Variants in PRELID2 observed in about 807,000 individuals in gnomAD.
PRELID2 encodes PRELI domain-containing protein 2.
In PRELID2, 25 loss-of-function variants were observed where a neutral mutation model predicts 28.4. The observed-to-expected ratio is 0.88, with a 90% CI of 0.64 to 1.23. The LOEUF is 1.23. Ranked by LOEUF, PRELID2 falls within the 50% of genes most tolerant of loss-of-function variation. The pLI is 0.00. For missense variants in PRELID2, 201 were observed against 214.4 expected (o/e 0.94, Z 0.39); for synonymous variants, 76 against 71.6 (o/e 1.06, Z -0.31).
intron 4 of PRELID2, among the ~76,000 whole-genome samples, chr5:145,797,013 G>A (rs1396952758): frequency 6.6e-6 from 1 of 152,146 alleles, no homozygotes; most frequent in Non-Finnish European, 1.5e-5. Flanking sequence ...ATAGAGACAA[G>A]ATTGGAAAGC....
At chr5:145,375,148 C>A in the PRELID2 span, among the ~76,000 whole-genome samples, 2 of 151,996 alleles carry the variant, frequency 1.3e-5, no homozygotes, top group East Asian at 3.9e-4. Flanking sequence ...GGATGCTGAC[C>A]CTTGAATGCA....
chr5:145,276,791 TTC>T, the PRELID2 span, among the ~76,000 whole-genome samples: 1 of 152,132 alleles, frequency 6.6e-6, no homozygotes, highest in Non-Finnish European at 1.5e-5. Context: ...TGATAGAACT[TTC>T]AAAAAAAGTT....
intron 1 of PRELID2, among the ~76,000 whole-genome samples, chr5:145,600,432 A>ATAT (rs1339137784): frequency 0.011 from 1,394 of 127,466 alleles, 33 homozygotes; most frequent in African/African-American, 0.05. Context: ...AAAAAAAAAA[A>ATAT]AAATATATAT....
intron 1 of PRELID2, among the ~76,000 whole-genome samples, chr5:145,649,982 T>C (rs187854277): frequency 1.8e-3 from 273 of 152,310 alleles, no homozygotes; most frequent in African/African-American, 5.1e-3. Flanking sequence ...ATATTACACA[T>C]GAGAAATGTA....
At position 145,758,993 on chromosome 5, in the gene PRELID2, A is replaced by AT. The variant is rs1757347563; in HGVS notation, c.*1542_*1543insA. Reference sequence around the variant, plus strand: ...CCCAAGACTCTCCAGTAACGGCCTGAATTTTTTTTTTTTTTTTTTTTTTTT... The same window carrying AT: ...CCCAAGACTCTCCAGTAACGGCCTGATATTTTTTTTTTTTTTTTTTTTTTTT... On this transcript the variant is annotated 3_prime_UTR_variant, in exon 7 of 7. Transcript: ENST00000683046. The AT allele has an allele frequency of 8.7e-6, 1 of 115,192 alleles. No homozygotes were observed. Among genetic ancestry groups the AT allele is most frequent in the South Asian group, 3.0e-4 (1 of 3,312 alleles). 7.1% of individuals were successfully genotyped at this position (115,192 alleles called of 1,614,324 possible).
chr5:145,555,601 TTCTC>T (rs1279663226), intron 1 of PRELID2, among the ~76,000 whole-genome samples: 10 of 152,170 alleles, frequency 6.6e-5, no homozygotes, highest in Admixed American at 5.2e-4. Context: ...TGACCAACAA[TTCTC>T]TCTGTGTATC....
At chr5:145,562,766 C>CA (rs552735816) in intron 1 of PRELID2, among the ~76,000 whole-genome samples, 71 of 151,560 alleles carry the variant, frequency 4.7e-4, no homozygotes, top group African/African-American at 1.6e-3. Context: ...TGTGCGTTAA[C>CA]AGAGTTTACA....
chr5:145,329,635 C>A, the PRELID2 span, among the ~76,000 whole-genome samples: 2 of 152,110 alleles, frequency 1.3e-5, no homozygotes, highest in East Asian at 3.9e-4. Flanking sequence ...GATTTTGTAT[C>A]CTGAGACTAT....
intron 1 of PRELID2, among the ~76,000 whole-genome samples, chr5:145,608,178 A>C (rs934511706): frequency 2.0e-5 from 3 of 152,176 alleles, no homozygotes; most frequent in Non-Finnish European, 4.4e-5. Flanking sequence ...TATAGACAGC[A>C]TACAAGTGAG....
chr5:145,641,345 G>C (rs1055513666), intron 1 of PRELID2, among the ~76,000 whole-genome samples: 2 of 152,120 alleles, frequency 1.3e-5, no homozygotes, highest in Admixed American at 6.5e-5. Flanking sequence ...AGGTCTTAAA[G>C]AGAGAAAATC....
intron 1 of PRELID2, among the ~76,000 whole-genome samples, chr5:145,656,303 C>T (rs983460689): frequency 1.3e-5 from 2 of 152,028 alleles, no homozygotes; most frequent in Admixed American, 6.6e-5. Flanking sequence ...CACTGTTGGT[C>T]GGACTGTAAA....
the PRELID2 span, among the ~76,000 whole-genome samples, chr5:145,254,302 A>G: frequency 6.6e-6 from 1 of 152,132 alleles, no homozygotes; most frequent in African/African-American, 2.4e-5. Flanking sequence ...ATATCCAATA[A>G]ATATTAACCT....
chr5:145,343,982 T>C, the PRELID2 span, among the ~76,000 whole-genome samples: 257 of 151,944 alleles, frequency 1.7e-3, no homozygotes, highest in African/African-American at 4.8e-3. Context: ...AAAACCTAAA[T>C]AGACATAATG....
chr5:145,289,648 A>G, the PRELID2 span, among the ~76,000 whole-genome samples: 3 of 152,176 alleles, frequency 2.0e-5, no homozygotes, highest in Non-Finnish European at 4.4e-5. Flanking sequence ...TGGTAAGACT[A>G]TATTTAGTTT....
At chr5:145,317,780 T>C in the PRELID2 span, among the ~76,000 whole-genome samples, 4 of 152,198 alleles carry the variant, frequency 2.6e-5, no homozygotes, top group African/African-American at 4.8e-5. Flanking sequence ...CTGCTCCCTG[T>C]GGCTCACCAG....
intron 1 of PRELID2, among the ~76,000 whole-genome samples, chr5:145,709,548 A>T (rs1755633496): frequency 6.6e-6 from 1 of 152,116 alleles, no homozygotes. Context: ...TGATGGGAAT[A>T]AGAAAAAGCA....
chr5:145,641,577 A>C (rs1381676194), intron 1 of PRELID2, among the ~76,000 whole-genome samples: 3 of 152,240 alleles, frequency 2.0e-5, no homozygotes, highest in Non-Finnish European at 4.4e-5. Flanking sequence ...TTTGTTACAT[A>C]GGTATACACT....
At chr5:145,286,717 TTTG>T in the PRELID2 span, among the ~76,000 whole-genome samples, 31 of 64,880 alleles carry the variant, frequency 4.8e-4, no homozygotes, top group African/African-American at 2.2e-3. Context: ...TTTTTGTTTG[TTTG>T]TTTGTTTTTT....
intron 1 of PRELID2, among the ~76,000 whole-genome samples, chr5:145,619,287 C>T (rs1753742210): frequency 6.6e-6 from 1 of 152,218 alleles, no homozygotes; most frequent in African/African-American, 2.4e-5. Context: ...GTGGCATATT[C>T]CTCCTGCCTG....
Sources: gnomAD v4.1 joint callset for allele counts (sites outside exome capture counted in the v4.1 genomes callset) on GRCh38, gnomAD v4.1.1 for gene constraint, MANE v1.5 for transcripts, NCBI Gene and HGNC (gene_info 2026-07-23, HGNC 2026-07-21) for gene names.